CDC42BPA: variants seen among roughly 807,000 people sequenced by gnomAD.
The protein encoded by CDC42BPA is CDC42 binding protein kinase alpha.
A neutral mutation model predicts 223.5 loss-of-function variants in CDC42BPA; 80 were observed. The observed-to-expected ratio is 0.36, with a 90% CI of 0.30 to 0.43. The LOEUF is 0.43. CDC42BPA is among the 20% of genes least tolerant of loss of function. The pLI is 1.00. For missense variants in CDC42BPA, 1,743 were observed against 2,099.9 expected (o/e 0.83, Z 3.32); for synonymous variants, 694 against 718.6 (o/e 0.97, Z 0.55).
At chr1:227,291,977 A>G (rs554926293) in intron 1 of CDC42BPA, among the ~76,000 whole-genome samples, 6 of 150,080 alleles carry the variant, frequency 4.0e-5, no homozygotes, top group Admixed American at 3.3e-4. Context: ...CCTGAGGTCT[A>G]TAACAGATAA....
intron 15 of CDC42BPA, among the ~76,000 whole-genome samples, chr1:227,098,594 T>C (rs893004342): frequency 2.0e-5 from 3 of 152,076 alleles, no homozygotes; most frequent in East Asian, 1.9e-4. Context: ...CCAAAAACCT[T>C]AGTATCATCC....
At chr1:227,230,343 A>G (rs951260095) in intron 2 of CDC42BPA, among the ~76,000 whole-genome samples, 1 of 152,246 alleles carries the variant, frequency 6.6e-6, no homozygotes, top group South Asian at 2.1e-4. Flanking sequence ...AGCTCCACAT[A>G]AATTATTTAA....
chr1:227,294,304 C>T (rs1558975992), intron 1 of CDC42BPA, among the ~76,000 whole-genome samples: 1 of 151,728 alleles, frequency 6.6e-6, no homozygotes. Flanking sequence ...TAATAAATAA[C>T]TGTGTATTTA....
At chr1:227,305,179 T>C (rs1692327365) in intron 1 of CDC42BPA, among the ~76,000 whole-genome samples, 1 of 152,152 alleles carries the variant, frequency 6.6e-6, no homozygotes, top group Admixed American at 6.6e-5. Context: ...TCTCAAATGG[T>C]TCCAGAGGAA....
chr1:227,185,803 C>G (rs1668684977), intron 5 of CDC42BPA, among the ~76,000 whole-genome samples: 1 of 151,580 alleles, frequency 6.6e-6, no homozygotes, highest in South Asian at 2.1e-4. Flanking sequence ...TTCCTCCACT[C>G]ATCAGAGCCG....
chr1:227,143,770 A>G (rs1660144308), intron 8 of CDC42BPA, among the ~76,000 whole-genome samples: 1 of 152,238 alleles, frequency 6.6e-6, no homozygotes, highest in Non-Finnish European at 1.5e-5. Flanking sequence ...AAGACTATAT[A>G]TTGATCAGTT....
chr1:226,999,563 C>G (rs1662347392), intron 35 of CDC42BPA, among the ~76,000 whole-genome samples: 1 of 152,028 alleles, frequency 6.6e-6, no homozygotes, highest in African/African-American at 2.4e-5. Context: ...GATCTAGAAC[C>G]AGAAATACCA....
chr1:227,188,873 G>GCCCT, intron 5 of CDC42BPA, among the ~76,000 whole-genome samples: 1 of 152,086 alleles, frequency 6.6e-6, no homozygotes, highest in Admixed American at 6.6e-5. Context: ...ATAATGAAGG[G>GCCCT]TCATTGATGT....
intron 2 of CDC42BPA, among the ~76,000 whole-genome samples, chr1:227,246,848 C>A (rs1280117358): frequency 7.2e-5 from 11 of 152,158 alleles, no homozygotes; most frequent in African/African-American, 2.7e-4. Flanking sequence ...CTAAATAAGG[C>A]ACTGGGGATC....
In CDC42BPA at chr1:227,028,708, G is replaced by A. The variant is rs1020429696; in HGVS notation, c.4381C>T (p.Arg1461Ter). ...SIGIYTDCQG[R>*]RSRQQELMWP... is the part of the protein sequence containing the mutation. ...ATCAATTCCTGTTGTCTAGATCTTC[G>A]GCCCTGGCAGTCAGTGTATATCCCA... is the stretch of plus-strand genomic sequence containing the variant. Residue 1461 changes from arginine to a stop codon, truncating the protein, a stop_gained, in exon 30 of 37, where the codon CGA becomes TGA. Coordinates refer to ENST00000366766, the MANE Select transcript of CDC42BPA (RefSeq NM_001394014.1). LOFTEE classifies it high-confidence loss of function. 5 of 1,601,844 alleles carry A rather than the reference G, an allele frequency of 3.1e-6. No individual in the cohort carries two copies. Among genetic ancestry groups the A allele is most frequent in the African/African-American group, 1.3e-5 (1 of 74,662 alleles).
intron 10 of CDC42BPA, among the ~76,000 whole-genome samples, chr1:227,137,908 T>A (rs7524731): frequency 0.72 from 108,865 of 151,932 alleles, 39,215 homozygotes; most frequent in South Asian, 0.86. Flanking sequence ...ATGCTGGACA[T>A]ATTCTACACA....
chr1:227,020,004 C>T (rs1667077897), intron 32 of CDC42BPA, among the ~76,000 whole-genome samples: 2 of 152,110 alleles, frequency 1.3e-5, no homozygotes, highest in Non-Finnish European at 2.9e-5. Context: ...TCAAGCGATT[C>T]TCCTGCCTCA....
At chr1:227,050,473 A>T (rs1279211330) in intron 22 of CDC42BPA, among the ~76,000 whole-genome samples, 2 of 152,186 alleles carry the variant, frequency 1.3e-5, no homozygotes, top group Non-Finnish European at 2.9e-5. Flanking sequence ...CATGCCAAAC[A>T]AACTCTGTAC....
At chr1:227,132,812 G>A (rs1182762501) in intron 10 of CDC42BPA, among the ~76,000 whole-genome samples, 2 of 150,362 alleles carry the variant, frequency 1.3e-5, no homozygotes, top group South Asian at 4.3e-4. Context: ...GAGCGCCTCT[G>A]CCCGGCCGCA....
intron 12 of CDC42BPA, 64 bp downstream of exon 12, chr1:227,119,740 G>A (rs1688328931): frequency 9.2e-7 from 1 of 1,092,452 alleles, no homozygotes; most frequent in Non-Finnish European, 1.3e-6. Flanking sequence ...AATGCTTTCA[G>A]TATTCTTATT....
Position 227,160,604 on chromosome 1 carries a change from A to G in CDC42BPA, c.632T>C (p.Met211Thr). ...ATCTGCTAACCGAATATGTCCATTC[A>G]TATCCATCAGTATATTGTCAGGTTT... Reference protein sequence around the residue: ...DIKPDNILMDMNGHIRLADFG... With the variant: ...DIKPDNILMDTNGHIRLADFG... The change falls in exon 6 of 37, where the codon ATG becomes ACG. Residue 211 changes from methionine (M) to threonine (T), a missense_variant. Met to Thr is a moderately conservative substitution (Grantham distance 81, BLOSUM62 -1). Transcript: ENST00000366766. The G allele has an allele frequency of 6.2e-7, 1 of 1,607,060 alleles. No individual in the cohort carries two copies. Among genetic ancestry groups the G allele is most frequent in the African/African-American group, 1.3e-5 (1 of 74,904 alleles).
chr1:227,240,846 C>A (rs1372256614), intron 2 of CDC42BPA, among the ~76,000 whole-genome samples: 1 of 150,982 alleles, frequency 6.6e-6, no homozygotes, highest in Non-Finnish European at 1.5e-5. Context: ...TTTCTTAGAA[C>A]ACAGAAAATA....
rs1674256903 is a variant in CDC42BPA, at chr1:227,213,292, T to C, written c.271-73A>G. The C allele has an allele frequency of 9.6e-6, 7 of 730,304 alleles. No homozygotes were observed. The Middle Eastern group carries it at 1.0e-3, about 108-fold the overall frequency. The allele number at this position is 730,304 out of a possible 1,614,324, so 45.2% of individuals were successfully genotyped here. A position where few individuals can be genotyped will look rare whatever the true frequency, so the allele number is the denominator to read the frequency against. ...TTTTTCAGCCATCCATTTTCCTTTT[T>C]CCTCTGTAAAAAAATAAATACCAAT... is the stretch of plus-strand genomic sequence containing the variant. On this transcript the variant is annotated intron_variant, in intron 2 of 36. Coordinates refer to ENST00000366766, the MANE Select transcript of CDC42BPA (RefSeq NM_001394014.1).
In CDC42BPA at chr1:227,317,456, T is replaced by TA. The variant is rs542072275; in HGVS notation, c.-275dup. The TA allele has an allele frequency of 4.0e-4, 158 of 399,790 alleles. No homozygotes were observed. The East Asian group carries it at 5.5e-3, about 14-fold the overall frequency. The allele number at this position is 399,790 out of a possible 1,614,324, so 24.8% of individuals were successfully genotyped here. ...TTTAAAAGAATACAATTAAGTCGTA[T>TA]ATTTAAATAAAATAATAATTAAAAG... On this transcript the variant is annotated 5_prime_UTR_variant, in exon 1 of 37. Transcript: ENST00000366766.
Sources: gnomAD v4.1 joint callset for allele counts (sites outside exome capture counted in the v4.1 genomes callset) on GRCh38, gnomAD v4.1.1 for gene constraint, MANE v1.5 for transcripts, NCBI Gene and HGNC (gene_info 2026-07-23, HGNC 2026-07-21) for gene names.